The following BCL7C variants were observed in gnomAD, a reference collection of about 807,000 sequenced individuals.
BCL7C encodes B-cell CLL/lymphoma 7 protein family member C.
BCL7C carries 8 observed loss-of-function variants against 26.2 expected under a neutral mutation model. That is an observed-to-expected ratio of 0.30 (90% CI 0.18 to 0.55). The LOEUF (loss-of-function observed/expected upper bound fraction) is 0.55, where lower values mean the gene tolerates loss of function less well. Among genes scored for constraint, BCL7C ranks in the 20% least tolerant of loss-of-function variants. BCL7C has a pLI of 0.93. For missense variants in BCL7C, 262 were observed against 298.5 expected (o/e 0.88, Z 0.90); for synonymous variants, 90 against 116.5 (o/e 0.77, Z 1.47).
At position 30,893,214 on chromosome 16, in the gene BCL7C, C is replaced by T. The variant is rs1281878804; in HGVS notation, c.169G>A (p.Glu57Lys). The T allele has an allele frequency of 6.2e-7, 1 of 1,612,980 alleles. No homozygotes were observed. Among genetic ancestry groups the T allele is most frequent in the Non-Finnish European group, 8.5e-7 (1 of 1,179,336 alleles). Reference protein sequence around the residue: ...KWVPVVDPQEEERRRAGGGAE... With the variant: ...KWVPVVDPQEKERRRAGGGAE... ...TTGTGGGAATGGGGGTTGCTCACCT[C>T]CTCCTGGGGATCCACCACTGGCACC... The change falls in exon 2 of 6, where the codon GAG becomes AAG. Residue 57 changes from glutamate (E) to lysine (K), a missense_variant and splice_region_variant. Glu to Lys is a moderately conservative substitution (Grantham distance 56, BLOSUM62 1). Coordinates refer to ENST00000215115, the MANE Select transcript of BCL7C (RefSeq NM_004765.4). This position sits in a 1 kb window ranked among gnomAD's most constrained non-coding sequence, Gnocchi z 5.2.
chr16:30,880,797 C>G (rs1281378768), intron 5 of BCL7C, among the ~76,000 whole-genome samples: 3 of 152,052 alleles, frequency 2.0e-5, no homozygotes, highest in South Asian at 2.1e-4. Context: ...CTTCTGGACT[C>G]AAGTGATCCT....
intron 5 of BCL7C, chr16:30,851,140 T>C: frequency 3.8e-6 from 1 of 262,724 alleles, no homozygotes; most frequent in South Asian, 4.4e-5. Flanking sequence ...CTGGTTCGTT[T>C]TCCCTGCAAA....
In BCL7C at chr16:30,834,803, G is replaced by T; in HGVS notation, c.*145C>A. On this transcript the variant is annotated 3_prime_UTR_variant, in exon 6 of 6. Transcript: ENST00000380317. The surrounding 1 kb of genome is among the most constrained non-coding windows in gnomAD (Gnocchi z 4.3). ...AGATGGGTGCTGTGGCCTTAGGTTC[G>T]GGCAGGTGTGGGGCCGCTCGCCCTC... 1 of 761,586 alleles carries T rather than the reference G, an allele frequency of 1.3e-6. No individual in the cohort carries two copies. Among genetic ancestry groups the T allele is most frequent in the Non-Finnish European group, 2.0e-6 (1 of 494,586 alleles). The allele number at this position is 761,586 out of a possible 1,614,324, so 47.2% of individuals were successfully genotyped here.
At chr16:30,865,298 C>T (rs570973892) in intron 5 of BCL7C, among the ~76,000 whole-genome samples, 4 of 152,166 alleles carry the variant, frequency 2.6e-5, no homozygotes, top group South Asian at 2.1e-4. Flanking sequence ...ACTCCTCTTT[C>T]GGACTCAGCC....
intron 5 of BCL7C, among the ~76,000 whole-genome samples, chr16:30,844,382 A>AC (rs2054622017): frequency 6.6e-6 from 1 of 150,894 alleles, no homozygotes; most frequent in Non-Finnish European, 1.5e-5. Context: ...AAAGGGAAAA[A>AC]ACAAACAAAC....
chr16:30,846,777 C>T (rs1332958773), intron 5 of BCL7C, among the ~76,000 whole-genome samples: 1 of 152,176 alleles, frequency 6.6e-6, no homozygotes, highest in Non-Finnish European at 1.5e-5. Context: ...TTTATTTAAT[C>T]ACACCCTGGG....
intron 5 of BCL7C, among the ~76,000 whole-genome samples, chr16:30,860,546 T>C (rs2054762118): frequency 6.6e-6 from 1 of 152,208 alleles, no homozygotes; most frequent in South Asian, 2.1e-4. Flanking sequence ...CCTTATTTTC[T>C]TCTGCAATAC....
At chr16:30,861,355 C>T (rs1464649061) in intron 5 of BCL7C, among the ~76,000 whole-genome samples, 1 of 152,196 alleles carries the variant, frequency 6.6e-6, no homozygotes, top group East Asian at 1.9e-4. Context: ...ATATCTCCAG[C>T]ACACAAGAAC....
intron 5 of BCL7C, among the ~76,000 whole-genome samples, chr16:30,854,472 A>C (rs2054702109): frequency 6.6e-6 from 1 of 152,046 alleles, no homozygotes; most frequent in South Asian, 2.1e-4. Context: ...AGCCTACAAC[A>C]TTGTCCCCCA....
At chr16:30,861,857 CTTTTT>C (rs35135586) in intron 5 of BCL7C, among the ~76,000 whole-genome samples, 3 of 68,824 alleles carry the variant, frequency 4.4e-5, no homozygotes, top group African/African-American at 1.2e-4. Context: ...GGACAACATG[CTTTTT>C]TTTTTTTTTT....
chr16:30,892,473 G>T, intron 4 of BCL7C, 113 bp downstream of exon 4: 2 of 1,067,620 alleles, frequency 1.9e-6, no homozygotes, highest in South Asian at 1.6e-5. Flanking sequence ...GTCGGAAGGC[G>T]CCTTGAGGAG....
Position 30,872,055 on chromosome 16 carries a change from T to C in BCL7C, c.528+16805A>G, listed in dbSNP as rs548683594. The stretch of plus-strand genomic sequence containing the variant: ...AATTAAGGTATAAAATTAAGCTCTC[T>C]CTGGAAAAGGATATTCGTGTTATTG... On this transcript the variant is annotated intron_variant, in intron 5 of 5. Transcript: ENST00000380317. Among the ~76,000 whole-genome samples the C allele has an allele frequency of 2.0e-5, 3 of 152,312 alleles. No individual in the cohort carries two copies. In the East Asian group the frequency reaches 5.8e-4, roughly 29 times the overall value.
chr16:30,836,931 C>A (rs2151358139), intron 5 of BCL7C, among the ~76,000 whole-genome samples: 1 of 151,204 alleles, frequency 6.6e-6, no homozygotes, highest in African/African-American at 2.4e-5. Context: ...GTAGCTGGGA[C>A]TACAGGTGCG....
intron 5 of BCL7C, among the ~76,000 whole-genome samples, chr16:30,848,286 C>T (rs1277229080): frequency 6.6e-6 from 1 of 152,134 alleles, no homozygotes; most frequent in African/African-American, 2.4e-5. Context: ...TTTGCTAGGG[C>T]ATTGAAGGGA....
At chr16:30,850,839 G>A (rs1434362398) in intron 5 of BCL7C, among the ~76,000 whole-genome samples, 1 of 152,114 alleles carries the variant, frequency 6.6e-6, no homozygotes, top group Non-Finnish European at 1.5e-5. Flanking sequence ...ACCACTGTAG[G>A]CTTTATGAAC....
chr16:30,894,052 C>T lies in BCL7C; in HGVS notation c.-108G>A. ...CGCCGCGCTCTCGGCCTGCCGTCCC[C>T]CCTGGAGTTGGCCGCGCCCTCTCTC... On this transcript the variant is annotated 5_prime_UTR_variant, in exon 1 of 6. Coordinates refer to ENST00000215115, the MANE Select transcript of BCL7C (RefSeq NM_004765.4). 1 of 295,846 alleles carries T rather than the reference C, an allele frequency of 3.4e-6. No individual in the cohort carries two copies. The highest frequency in any genetic ancestry group is 5.2e-6 in the Non-Finnish European group (1 of 191,266). 18.3% of individuals were successfully genotyped at this position (295,846 alleles called of 1,614,324 possible). A position where few individuals can be genotyped will look rare whatever the true frequency, so the allele number is the denominator to read the frequency against.
At chr16:30,885,114 G>A (rs1056214482), downstream of BCL7C, among the ~76,000 whole-genome samples, 1 of 152,160 alleles carries the variant, frequency 6.6e-6, no homozygotes, top group Non-Finnish European at 1.5e-5. Flanking sequence ...ATGGCACATG[G>A]GCTTTTGCAG....
chr16:30,887,135 C>A (rs112790372), downstream of BCL7C, among the ~76,000 whole-genome samples: 1 of 152,070 alleles, frequency 6.6e-6, no homozygotes, highest in East Asian at 1.9e-4. Context: ...ATGGCAAAAC[C>A]CAGTCTCTAC....
At chr16:30,878,974 A>G (rs1191574169) in intron 5 of BCL7C, among the ~76,000 whole-genome samples, 5 of 152,184 alleles carry the variant, frequency 3.3e-5, no homozygotes, top group Admixed American at 6.5e-5. Flanking sequence ...ATGGGGAGCC[A>G]TGGGAAGTTT....
Sources: allele counts gnomAD v4.1 joint callset (sites outside exome capture counted in the v4.1 genomes callset), GRCh38; gene constraint gnomAD v4.1.1; non-coding constraint Gnocchi (gnomAD v3.1); transcripts MANE v1.5; gene names NCBI Gene and HGNC (gene_info 2026-07-23, HGNC 2026-07-21).